The following TASP1 variants were observed in gnomAD, a reference collection of about 807,000 sequenced individuals.
The protein encoded by TASP1 is taspase 1.
Under a neutral mutation model 56.6 loss-of-function variants are expected in TASP1, and 16 were observed. The observed-to-expected ratio is 0.28, with a 90% confidence interval of 0.19 to 0.43. The LOEUF is 0.43. Ranked by LOEUF, TASP1 falls within the 20% of genes least tolerant of loss-of-function variation. The probability of loss-of-function intolerance (pLI) is 1.00; values close to 1 mark genes in which losing one functional copy is unlikely to be tolerated. For synonymous variants in TASP1, 179 were observed against 184.2 expected (o/e 0.97, Z 0.23); for missense variants, 393 against 511.6 (o/e 0.77, Z 2.24).
chr20:13,452,788 G>A (rs760258461), intron 11 of TASP1, among the ~76,000 whole-genome samples: 19 of 152,076 alleles, frequency 1.2e-4, no homozygotes, highest in Non-Finnish European at 2.1e-4. Flanking sequence ...GTTGAACTTG[G>A]TTCAACATCA....
At chr20:13,628,548 T>A (rs754608250) in intron 2 of TASP1, among the ~76,000 whole-genome samples, 1 of 152,206 alleles carries the variant, frequency 6.6e-6, no homozygotes, top group Non-Finnish European at 1.5e-5. Context: ...GTTTAGATAC[T>A]CTGGATTAGA....
the TASP1 span, among the ~76,000 whole-genome samples, chr20:13,256,945 G>T: frequency 5.5e-3 from 843 of 152,320 alleles, 8 homozygotes; most frequent in African/African-American, 0.018. Context: ...CACTAGGGAA[G>T]ATAGGAGCTG....
chr20:13,378,417 G>C, the TASP1 span, among the ~76,000 whole-genome samples: 325 of 152,262 alleles, frequency 2.1e-3, no homozygotes, highest in African/African-American at 7.3e-3. Context: ...GTTCTAATTT[G>C]ATTGTACTGT....
the TASP1 span, among the ~76,000 whole-genome samples, chr20:13,243,559 C>T: frequency 6.6e-6 from 1 of 152,100 alleles, no homozygotes; most frequent in African/African-American, 2.4e-5. Context: ...CCTGCTTGAC[C>T]TCTAGGTCTC....
intron 13 of TASP1, among the ~76,000 whole-genome samples, chr20:13,394,158 C>T (rs2041412988): frequency 1.3e-5 from 2 of 151,424 alleles, no homozygotes; most frequent in South Asian, 4.2e-4. Flanking sequence ...GTGGTGCATG[C>T]CTGTAATCCC....
chr20:13,542,205 C>T lies in TASP1; in HGVS notation c.676-8064G>A, dbSNP rs182804429. On this transcript the variant is annotated intron_variant, in intron 8 of 13. Transcript: ENST00000337743. ...GGATGGGGAAGAAAAAACGATACACCAAGCAGATATCAATCCAAACAATGA... is the reference window on the plus strand; with the variant it reads ...GGATGGGGAAGAAAAAACGATACACTAAGCAGATATCAATCCAAACAATGA... Among the ~76,000 whole-genome samples, 125 of 151,962 alleles carry T rather than the reference C, an allele frequency of 8.2e-4. 2 individuals are homozygous for T. In the East Asian group the frequency reaches 0.024, roughly 29 times the overall value.
chr20:13,592,665 C>G lies in TASP1; in HGVS notation c.283-5295G>C, dbSNP rs548778943. ...TTAATCTTTTAAAGAACTAACTTAA[C>G]TATTGGTTTGGTTGACTTTCTGTTT... On this transcript the variant is annotated intron_variant, in intron 4 of 13. Coordinates refer to ENST00000337743, the MANE Select transcript of TASP1 (RefSeq NM_017714.3). 9.4e-4 allele frequency among the ~76,000 whole-genome samples: 143 copies of G among 152,184 alleles called. 1 individual carries two copies. The highest frequency in any genetic ancestry group is 7.9e-3 in the Admixed American group (120 of 15,284).
chr20:13,561,725 C>T (rs1052849831), intron 7 of TASP1, among the ~76,000 whole-genome samples: 1 of 152,020 alleles, frequency 6.6e-6, no homozygotes, highest in African/African-American at 2.4e-5. Context: ...TGTTTTGAGA[C>T]AGACAATGGG....
the TASP1 span, among the ~76,000 whole-genome samples, chr20:13,182,436 G>A: frequency 6.6e-6 from 1 of 152,076 alleles, no homozygotes; most frequent in African/African-American, 2.4e-5. Context: ...ATGCACAGTT[G>A]CAACTGACCT....
intron 8 of TASP1, among the ~76,000 whole-genome samples, chr20:13,554,518 G>GAA (rs33956075): frequency 6.6e-5 from 10 of 151,696 alleles, no homozygotes; most frequent in Admixed American, 2.6e-4. Context: ...TACTTTAAAA[G>GAA]AAAAAAAATC....
intron 1 of TASP1, among the ~76,000 whole-genome samples, chr20:13,633,546 G>T (rs1239759264): frequency 6.6e-6 from 1 of 152,120 alleles, no homozygotes; most frequent in Non-Finnish European, 1.5e-5. Context: ...TAAGCTACAG[G>T]GAATCCAAAT....
At chr20:13,541,762 T>A (rs2045630240) in intron 8 of TASP1, among the ~76,000 whole-genome samples, 1 of 152,058 alleles carries the variant, frequency 6.6e-6, no homozygotes, top group South Asian at 2.1e-4. Context: ...AATGATATAT[T>A]TCATGAAGAA....
At chr20:13,623,004 GGCA>G (rs1253724282) in intron 4 of TASP1, among the ~76,000 whole-genome samples, 1 of 152,062 alleles carries the variant, frequency 6.6e-6, no homozygotes, top group Admixed American at 6.6e-5. Context: ...ACTGGGACAA[GGCA>G]CACTTCACAG....
chr20:13,624,450 A>T (rs972689143), intron 3 of TASP1, among the ~76,000 whole-genome samples: 13 of 152,270 alleles, frequency 8.5e-5, no homozygotes, highest in African/African-American at 2.4e-4. Flanking sequence ...TTCATTCATA[A>T]GAAAAAGCTT....
At chr20:13,510,594 CCTA>C (rs1568527676) in intron 10 of TASP1, among the ~76,000 whole-genome samples, 1 of 152,080 alleles carries the variant, frequency 6.6e-6, no homozygotes, top group Admixed American at 6.6e-5. Flanking sequence ...TCTCTAAATA[CCTA>C]ATCTATAACT....
chr20:13,157,289 T>C, the TASP1 span, among the ~76,000 whole-genome samples: 4,504 of 149,550 alleles, frequency 0.03, 207 homozygotes, highest in African/African-American at 0.1. Flanking sequence ...AAAAAAAAAT[T>C]AGCTGGGCAT....
At chr20:13,506,597 T>G (rs1468813269) in intron 10 of TASP1, among the ~76,000 whole-genome samples, 1 of 152,090 alleles carries the variant, frequency 6.6e-6, no homozygotes, top group East Asian at 1.9e-4. Context: ...ATATGCAAAT[T>G]TATAAATGGG....
At chr20:13,498,176 G>A (rs2146618653) in intron 10 of TASP1, among the ~76,000 whole-genome samples, 1 of 152,198 alleles carries the variant, frequency 6.6e-6, no homozygotes, top group East Asian at 1.9e-4. Context: ...AGAGTAGACA[G>A]ACAATCCACA....
At chr20:13,121,469 G>A in the TASP1 span, among the ~76,000 whole-genome samples, 1 of 152,184 alleles carries the variant, frequency 6.6e-6, no homozygotes, top group African/African-American at 2.4e-5. Flanking sequence ...TCTCCTGTCT[G>A]ATTTCCTCCC....
Sources: gnomAD v4.1 joint callset for allele counts (sites outside exome capture counted in the v4.1 genomes callset) on GRCh38, gnomAD v4.1.1 for gene constraint, MANE v1.5 for transcripts, NCBI Gene and HGNC (gene_info 2026-07-23, HGNC 2026-07-21) for gene names.